The following IQSEC3 variants were observed in gnomAD, a reference collection of about 807,000 sequenced individuals.
IQSEC3 encodes the protein IQ motif and SEC7 domain-containing protein 3.
In IQSEC3, 50 loss-of-function variants were observed where a neutral mutation model predicts 105.4. That is an observed-to-expected ratio of 0.47 (90% CI 0.38 to 0.60). IQSEC3 has a LOEUF of 0.60. IQSEC3 is among the 20% of genes least tolerant of loss of function. The pLI is 0.00. For missense variants in IQSEC3, 1,415 were observed against 1,630.0 expected, an observed-to-expected ratio of 0.87 and a Z score of 2.27; for synonymous variants, 708 against 746.0, an observed-to-expected ratio of 0.95 and a Z score of 0.83.
At chr12:165,981 A>G (rs1867157161) in intron 11 of IQSEC3, 91 bp downstream of exon 11, 1 of 1,459,068 alleles carries the variant, frequency 6.9e-7, no homozygotes, top group Non-Finnish European at 9.3e-7. Flanking sequence ...GACTCCAGGG[A>G]GCTGGCCCCA....
At position 141,489 on chromosome 12, in the gene IQSEC3, T is replaced by A. The variant is rs1866027056; in HGVS notation, c.2153+204T>A. On this transcript the variant is annotated intron_variant, in intron 5 of 13. Coordinates refer to ENST00000538872, the MANE Select transcript of IQSEC3 (RefSeq NM_001170738.2). ...TCTCCCGTCAGAGTCATTGATTGAG[T>A]TCGCCCCAGGCCAGGCTTCGTTTGA... 5.4e-6 allele frequency: 3 copies of A among 555,166 alleles called. No homozygotes were observed. In the East Asian group the frequency reaches 8.7e-5, roughly 16 times the overall value. 34.4% of individuals were successfully genotyped at this position (555,166 alleles called of 1,614,324 possible).
chr12:91,461 C>T (rs956856902), intron 1 of IQSEC3, among the ~76,000 whole-genome samples: 2 of 150,814 alleles, frequency 1.3e-5, no homozygotes, highest in African/African-American at 5.0e-5. Context: ...AGCGCTACTC[C>T]CCCATCTTCC....
At chr12:163,205 C>A (rs1404147561) in intron 8 of IQSEC3, among the ~76,000 whole-genome samples, 6 of 142,650 alleles carry the variant, frequency 4.2e-5, no homozygotes, top group African/African-American at 1.7e-4. Context: ...CCGGAGCCCT[C>A]CCCTCCCCCT....
chr12:103,599 T>C (rs185459931), intron 2 of IQSEC3, among the ~76,000 whole-genome samples: 7 of 766 alleles, frequency 9.1e-3, no homozygotes, highest in African/African-American at 0.02. Flanking sequence ...GGAGGGGAGG[T>C]GGGGCTCAGG....
At position 79,169 on chromosome 12, in the gene IQSEC3, T is replaced by G. The variant is rs12830904; in HGVS notation, c.554+11733T>G. 7.4e-3 allele frequency among the ~76,000 whole-genome samples: 1,120 copies of G among 151,776 alleles called. 14 individuals are homozygous for G. Among genetic ancestry groups the G allele is most frequent in the African/African-American group, 0.023 (953 of 41,364 alleles). ...CCGAGAACACAGAGGGAGCTGGGAG[T>G]GAGCCCTGCAGCGCAGGGGCTGTGG... On this transcript the variant is annotated intron_variant, in intron 1 of 13. Transcript: ENST00000538872.
At chr12:125,470 G>C (rs1157907389) in intron 2 of IQSEC3, among the ~76,000 whole-genome samples, 163 bp from the exon 3 acceptor site, 6 of 152,054 alleles carry the variant, frequency 3.9e-5, no homozygotes, top group Admixed American at 3.9e-4. Flanking sequence ...GCTCATCCCT[G>C]CCATGGTAGC....
intron 1 of IQSEC3, among the ~76,000 whole-genome samples, chr12:76,697 G>C (rs1173548851): frequency 6.6e-6 from 1 of 152,274 alleles, no homozygotes; most frequent in Admixed American, 6.5e-5. Context: ...TGAGCTCCTG[G>C]GAAGAAGGCT....
At position 108,733 on chromosome 12, in the gene IQSEC3, C is replaced by T. The variant is rs554970538; in HGVS notation, c.623+9519C>T. On this transcript the variant is annotated intron_variant, in intron 2 of 13. Transcript: ENST00000538872. ...GCTGGCCTTTCAGGGTGTCTTTAGC[C>T]GGGCTCTGCCGGGTCTGGCTCTGGG... is the stretch of plus-strand genomic sequence containing the variant. 6.6e-5 allele frequency among the ~76,000 whole-genome samples: 10 copies of T among 152,352 alleles called. No homozygotes were observed. The South Asian group carries it at 1.2e-3, about 19-fold the overall frequency.
rs965441034 is a variant in IQSEC3 at position 107,652 on chromosome 12, C to T, written c.623+8438C>T. Among the ~76,000 whole-genome samples, 11 of 151,956 alleles carry T rather than the reference C, an allele frequency of 7.2e-5. 1 individual carries two copies. The highest frequency in any genetic ancestry group is 5.2e-4 in the Admixed American group (8 of 15,264). On this transcript the variant is annotated intron_variant, in intron 2 of 13. Transcript: ENST00000538872. ...GTCTCGATCTCCTGACCTCGTGATC[C>T]GCCCACCTCGGCCTCCCAAAGTGCT...
At chr12:142,620 G>A (rs527399285) in intron 5 of IQSEC3, 1 of 152,372 alleles carries the variant, frequency 6.6e-6, no homozygotes, top group South Asian at 2.1e-4. Context: ...TGCTGGTGGA[G>A]ACGCTCTGTG....
intron 1 of IQSEC3, among the ~76,000 whole-genome samples, chr12:83,839 C>T (rs1863831429): frequency 1.3e-5 from 2 of 152,168 alleles, no homozygotes; most frequent in Admixed American, 1.3e-4. Context: ...GGTGTCCACT[C>T]ATTTATCCAA....
At chr12:132,290 C>T (rs781924629) in intron 3 of IQSEC3, among the ~76,000 whole-genome samples, 2 of 152,098 alleles carry the variant, frequency 1.3e-5, no homozygotes, top group Non-Finnish European at 2.9e-5. Flanking sequence ...CGGGGGAGAG[C>T]AGGCAGGAGC....
Position 175,367 on chromosome 12 carries a change from A to T in IQSEC3, c.*334A>T. The stretch of plus-strand genomic sequence containing the variant: ...CGAGCTGAGGGTCTAACGAGCTTGC[A>T]GGCTTTGAGTCTGTTAGTGCCCGGG... On this transcript the variant is annotated 3_prime_UTR_variant, in exon 14 of 14. Coordinates refer to ENST00000538872, the MANE Select transcript of IQSEC3 (RefSeq NM_001170738.2). The T allele has an allele frequency of 3.5e-6, 1 of 288,192 alleles. No homozygotes were observed. The allele number at this position is 288,192 out of a possible 1,614,324, so 17.9% of individuals were successfully genotyped here.
intron 2 of IQSEC3, chr12:106,891 A>C (rs1864672544): frequency 6.6e-6 from 1 of 152,140 alleles, no homozygotes; most frequent in South Asian, 2.1e-4. Context: ...TTTGTATGAC[A>C]AAAAGGGTTT....
At chr12:165,298 A>G (rs1411685177) in intron 9 of IQSEC3, 136 bp from the exon 10 acceptor site, 1 of 701,116 alleles carries the variant, frequency 1.4e-6, no homozygotes, top group African/African-American at 1.7e-5. Flanking sequence ...GTGCACATAT[A>G]TGTATATCTG....
intron 13 of IQSEC3, among the ~76,000 whole-genome samples, chr12:173,274 C>T (rs1939103330): frequency 6.6e-6 from 1 of 152,182 alleles, no homozygotes; most frequent in Non-Finnish European, 1.5e-5. Flanking sequence ...AGGCCTGGAA[C>T]ATGTGCTGAG....
chr12:125,742 G>A lies in IQSEC3; in HGVS notation c.733G>A (p.Glu245Lys). The part of the protein sequence containing the change: ...SAHAPKAQAQ[E>K]LQEEEERPGA... The stretch of plus-strand genomic sequence containing the variant: ...CCATGCCCCGAAGGCTCAAGCCCAG[G>A]AGCTGCAGGAGGAGGAGGAGCGGCC... The change falls in exon 3 of 14, where the codon GAG becomes AAG. Residue 245 changes from glutamate to lysine, a missense_variant. This residue lies in a region of IQSEC3 where 720 missense variants were observed against 633.0 expected (regional missense o/e 1.14). Coordinates refer to ENST00000538872, the MANE Select transcript of IQSEC3 (RefSeq NM_001170738.2). 1 of 1,520,878 alleles carries A rather than the reference G, an allele frequency of 6.6e-7. No homozygotes were observed. The highest frequency in any genetic ancestry group is 1.2e-5 in the South Asian group (1 of 80,264). The allele number at this position is 1,520,878 out of a possible 1,614,324, so 94.2% of individuals were successfully genotyped here.
chr12:139,196 G>C lies in IQSEC3; in HGVS notation c.1833G>C (p.Ser611=), dbSNP rs1187395678. The C allele has an allele frequency of 6.3e-7, 1 of 1,590,122 alleles. No individual in the cohort carries two copies. Among genetic ancestry groups the C allele is most frequent in the Non-Finnish European group, 8.5e-7 (1 of 1,171,130 alleles). ...STSTKSAKSG[S]EASASASKDA... is the part of the protein sequence containing the mutation. ...CCACCAAGTCCGCCAAGTCAGGCTC[G>C]GAGGCGTCGGCCTCCGCCTCCAAGG... Residue 611 remains serine, a synonymous_variant, in exon 4 of 14, where the codon TCG becomes TCC. Transcript: ENST00000538872.
chr12:130,613 C>A (rs1865555422), intron 3 of IQSEC3, among the ~76,000 whole-genome samples: 1 of 152,218 alleles, frequency 6.6e-6, no homozygotes, highest in Admixed American at 6.5e-5. Context: ...GGTCTCATGA[C>A]CTCACTACTA....
Sources: allele counts gnomAD v4.1 joint callset (sites outside exome capture counted in the v4.1 genomes callset), GRCh38; gene constraint gnomAD v4.1.1; regional missense constraint gnomAD v4.1.1; transcripts MANE v1.5; gene names NCBI Gene and HGNC (gene_info 2026-07-23, HGNC 2026-07-21).